Variants in ODAD2 observed in about 807,000 individuals in gnomAD.
The protein encoded by ODAD2 is outer dynein arm docking complex subunit 2.
ODAD2 carries 89 observed loss-of-function variants against 106.8 expected under a neutral mutation model. The ratio of observed to expected loss-of-function variants is 0.83; its 90% CI spans 0.70 to 0.99. ODAD2 has a LOEUF of 0.99. Among genes scored for constraint, ODAD2 ranks in the 50% least tolerant of loss-of-function variants. The pLI is 0.00. For missense variants in ODAD2, 1,168 were observed against 1,238.5 expected (o/e 0.94, Z 0.85); for synonymous variants, 404 against 436.2 (o/e 0.93, Z 0.92).
intron 17 of ODAD2, among the ~76,000 whole-genome samples, chr10:27,867,968 A>G (rs537557463): frequency 3.9e-5 from 6 of 152,102 alleles, no homozygotes; most frequent in Admixed American, 2.0e-4. Context: ...AAAAAAAAGC[A>G]GTATAAAAAA....
rs754430919 is a variant in ODAD2 at position 27,919,148 on chromosome 10, T to C, written c.2496-11371A>G. On this transcript the variant is annotated intron_variant, in intron 16 of 19. Coordinates refer to ENST00000305242, the MANE Select transcript of ODAD2 (RefSeq NM_018076.5). ...ATTAGTTCAGAAATAGACCCATTCA[T>C]TTACAATCAGTTGAATTTCAACTGA... 4.6e-5 allele frequency among the ~76,000 whole-genome samples: 7 copies of C among 152,082 alleles called. No individual in the cohort carries two copies. In the South Asian group the frequency reaches 1.4e-3, roughly 31 times the overall value.
chr10:27,936,585 C>T (rs570728324), intron 15 of ODAD2, 141 bp downstream of exon 15: 5 of 964,720 alleles, frequency 5.2e-6, no homozygotes, highest in African/African-American at 3.3e-5. Flanking sequence ...TTCTAAGAAT[C>T]CCTTCATTGG....
In ODAD2 at chr10:27,860,940, C is replaced by T. The variant is rs1589846672; in HGVS notation, c.2800-94G>A. The T allele has an allele frequency of 1.0e-5, 11 of 1,066,908 alleles. No individual in the cohort carries two copies. The East Asian group carries it at 2.0e-4, about 19-fold the overall frequency. The allele number at this position is 1,066,908 out of a possible 1,614,324, so 66.1% of individuals were successfully genotyped here. ...TTTATGTTTATTAACCATTAAGACACCAATGAGTCTAGAGAAAAGGGCTAG... is the reference window on the plus strand; with the variant it reads ...TTTATGTTTATTAACCATTAAGACATCAATGAGTCTAGAGAAAAGGGCTAG... On this transcript the variant is annotated intron_variant, in intron 18 of 19. Transcript: ENST00000305242.
intron 17 of ODAD2, among the ~76,000 whole-genome samples, chr10:27,877,869 T>C (rs1412721205): frequency 6.6e-6 from 1 of 152,224 alleles, no homozygotes; most frequent in Non-Finnish European, 1.5e-5. Context: ...TTATCTCATA[T>C]GATCTTCACA....
chr10:27,970,818 A>G (rs1450478059), intron 8 of ODAD2, among the ~76,000 whole-genome samples: 1 of 151,832 alleles, frequency 6.6e-6, no homozygotes, highest in Admixed American at 6.6e-5. Flanking sequence ...ACAAAAAATA[A>G]AAAGTTAGCC....
intron 16 of ODAD2, among the ~76,000 whole-genome samples, chr10:27,930,951 T>C (rs139685659): frequency 2.4e-3 from 370 of 152,324 alleles, no homozygotes; most frequent in African/African-American, 8.4e-3. Context: ...CACTCCGAAA[T>C]GTCTACGAAA....
chr10:27,923,997 A>AGG (rs1845000828), intron 16 of ODAD2, among the ~76,000 whole-genome samples: 10 of 141,960 alleles, frequency 7.0e-5, no homozygotes, highest in Non-Finnish European at 7.6e-5. Flanking sequence ...AAAGAAAGAA[A>AGG]GAAAGAAAGA....
At chr10:27,947,531 C>T (rs976773378) in intron 10 of ODAD2, among the ~76,000 whole-genome samples, 2 of 152,010 alleles carry the variant, frequency 1.3e-5, no homozygotes, top group African/African-American at 4.8e-5. Context: ...TTAAATCATG[C>T]ACAAAAAGAA....
intron 10 of ODAD2, among the ~76,000 whole-genome samples, chr10:27,951,655 A>T (rs1847333942): frequency 6.6e-6 from 1 of 152,164 alleles, no homozygotes; most frequent in Admixed American, 6.5e-5. Flanking sequence ...AAACTAACAG[A>T]GGGAACTAGA....
At chr10:27,828,631 C>A (rs1380575544) in intron 19 of ODAD2, among the ~76,000 whole-genome samples, 1 of 152,068 alleles carries the variant, frequency 6.6e-6, no homozygotes, top group Non-Finnish European at 1.5e-5. Context: ...CATAATTTAA[C>A]AAGGAAATAT....
At chr10:27,938,581 C>T (rs1846158586) in intron 14 of ODAD2, among the ~76,000 whole-genome samples, 1 of 151,802 alleles carries the variant, frequency 6.6e-6, no homozygotes, top group African/African-American at 2.4e-5. Flanking sequence ...AAATGACTCC[C>T]TTGTATCTGT....
intron 17 of ODAD2, among the ~76,000 whole-genome samples, chr10:27,889,937 G>A (rs1413510812): frequency 1.3e-5 from 2 of 152,124 alleles, no homozygotes; most frequent in Non-Finnish European, 2.9e-5. Flanking sequence ...AGTTCATTAG[G>A]CAGGTACCAT....
chr10:27,834,216 T>C (rs1364138855), intron 19 of ODAD2, among the ~76,000 whole-genome samples: 1 of 152,172 alleles, frequency 6.6e-6, no homozygotes, highest in Non-Finnish European at 1.5e-5. Context: ...TGAAATAATC[T>C]AGGAGGTTGT....
intron 16 of ODAD2, among the ~76,000 whole-genome samples, chr10:27,932,946 T>C (rs1447213101): frequency 6.6e-6 from 1 of 152,114 alleles, no homozygotes; most frequent in Non-Finnish European, 1.5e-5. Context: ...TCAATAAATA[T>C]GTGTTTAATG....
chr10:27,815,210 A>T (rs1836036041), intron 19 of ODAD2, among the ~76,000 whole-genome samples: 1 of 152,050 alleles, frequency 6.6e-6, no homozygotes, highest in South Asian at 2.1e-4. Flanking sequence ...TTCTTCATTC[A>T]TTCTTCTTCT....
intron 17 of ODAD2, among the ~76,000 whole-genome samples, chr10:27,875,249 C>A (rs1213877701): frequency 6.6e-6 from 1 of 152,132 alleles, no homozygotes; most frequent in Non-Finnish European, 1.5e-5. Context: ...TCTAGTTAGC[C>A]CTTCATCTAA....
chr10:27,950,918 C>T (rs1847286746), intron 10 of ODAD2, among the ~76,000 whole-genome samples: 1 of 151,950 alleles, frequency 6.6e-6, no homozygotes, highest in Admixed American at 6.6e-5. Flanking sequence ...AAAAATAGTT[C>T]AATAAAGTGG....
chr10:27,933,898 A>C (rs1845777256), intron 16 of ODAD2, among the ~76,000 whole-genome samples: 1 of 152,160 alleles, frequency 6.6e-6, no homozygotes, highest in South Asian at 2.1e-4. Flanking sequence ...CTTGTGTATA[A>C]GATACGTGGT....
chr10:27,896,362 TC>T (rs1842853510), intron 17 of ODAD2, among the ~76,000 whole-genome samples: 1 of 152,194 alleles, frequency 6.6e-6, no homozygotes, highest in African/African-American at 2.4e-5. Context: ...TTAATTAGGA[TC>T]CCTTTGATAA....
Sources: allele counts gnomAD v4.1 joint callset (sites outside exome capture counted in the v4.1 genomes callset), GRCh38; gene constraint gnomAD v4.1.1; transcripts MANE v1.5; gene names NCBI Gene and HGNC (gene_info 2026-07-23, HGNC 2026-07-21).